SNRK: variants seen among roughly 807,000 people sequenced by gnomAD.
SNRK encodes SNF-related serine/threonine-protein kinase.
In SNRK, 3 loss-of-function variants were observed where a neutral mutation model predicts 48.2. The observed-to-expected ratio is 0.06, with a 90% CI of 0.03 to 0.16. The LOEUF (loss-of-function observed/expected upper bound fraction) is 0.16, where lower values mean the gene tolerates loss of function less well. SNRK is among the 10% of genes least tolerant of loss of function. The pLI, the probability that SNRK is intolerant of heterozygous loss-of-function variation, is 1.00. For missense variants in SNRK, 627 were observed against 976.0 expected, an observed-to-expected ratio of 0.64 and a Z score of 4.76; for synonymous variants, 376 against 366.1, an observed-to-expected ratio of 1.03 and a Z score of -0.31.
intron 1 of SNRK, chr3:43,289,861 T>C (rs898713773): frequency 2.0e-5 from 3 of 152,792 alleles, no homozygotes; most frequent in East Asian, 3.9e-4. Context: ...TCTGCTGCCA[T>C]GTGGCTACTC....
chr3:43,347,958 C>A lies in SNRK; in HGVS notation c.1699C>A (p.Arg567=), dbSNP rs771134998. 3 of 1,614,066 alleles carry A rather than the reference C, an allele frequency of 1.9e-6. No individual in the cohort carries two copies. In the South Asian group the frequency reaches 3.3e-5, roughly 18 times the overall value. Residue 567 remains arginine (R), a synonymous_variant, in exon 7 of 7, where the codon CGG becomes AGG. Coordinates refer to ENST00000296088, the MANE Select transcript of SNRK (RefSeq NM_017719.5). This position sits in a 1 kb window ranked among gnomAD's most constrained non-coding sequence, Gnocchi z 5.4. ...CGGGTTCACCTACTCCTGGCACCGA[C>A]GGGATAGCAGCGAGGGGCCCCCTGG... ...DSGFTYSWHR[R]DSSEGPPGSE...
At chr3:43,293,588 A>G (rs2090829977) in intron 1 of SNRK, among the ~76,000 whole-genome samples, 1 of 152,164 alleles carries the variant, frequency 6.6e-6, no homozygotes. Context: ...TTTAAAATAT[A>G]TACATTCATA....
At chr3:43,338,560 G>A (rs2125644013) in intron 4 of SNRK, among the ~76,000 whole-genome samples, 1 of 152,292 alleles carries the variant, frequency 6.6e-6, no homozygotes, top group Middle Eastern at 3.4e-3. Context: ...TTCAAGATGT[G>A]TGCTCTTTGA....
chr3:43,321,179 A>G (rs1057351243), intron 3 of SNRK, among the ~76,000 whole-genome samples: 1 of 152,156 alleles, frequency 6.6e-6, no homozygotes, highest in African/African-American at 2.4e-5. Flanking sequence ...GAATTTATTA[A>G]TTAGTAGAGG....
chr3:43,326,599 T>G (rs1271546373), intron 3 of SNRK, among the ~76,000 whole-genome samples: 1 of 152,100 alleles, frequency 6.6e-6, no homozygotes, highest in East Asian at 1.9e-4. Flanking sequence ...TGGGAAGACC[T>G]TGGGGAAGAT....
At chr3:43,325,401 G>A (rs771475005) in intron 3 of SNRK, among the ~76,000 whole-genome samples, 15 of 152,022 alleles carry the variant, frequency 9.9e-5, no homozygotes, top group Non-Finnish European at 1.9e-4. Flanking sequence ...TCCTGACCTC[G>A]TGATCCACCC....
At position 43,348,000 on chromosome 3, in the gene SNRK, G is replaced by C; in HGVS notation, c.1741G>C (p.Gly581Arg). The change falls in exon 7 of 7, where the codon GGG becomes CGG. Residue 581 changes from glycine (G) to arginine (R), a missense_variant. This residue lies in a region of SNRK where 98 missense variants were observed against 175.2 expected (regional missense o/e 0.56). Coordinates refer to ENST00000296088, the MANE Select transcript of SNRK (RefSeq NM_017719.5). This position sits in a 1 kb window ranked among gnomAD's most constrained non-coding sequence, Gnocchi z 5.4. ...EGPPGSEGDG[G>R]GQSKPSNASG... is the part of the protein sequence containing the mutation. Reference sequence around the variant, plus strand: ...GCCCCCTGGCAGTGAGGGGGATGGCGGGGGCCAGAGCAAGCCAAGCAATGC... The same window carrying C: ...GCCCCCTGGCAGTGAGGGGGATGGCCGGGGCCAGAGCAAGCCAAGCAATGC... The C allele has an allele frequency of 6.2e-7, 1 of 1,613,296 alleles. No individual in the cohort carries two copies. The highest frequency in any genetic ancestry group is 1.1e-5 in the South Asian group (1 of 91,000).
At chr3:43,288,235 C>A (rs1410336721) in intron 1 of SNRK, among the ~76,000 whole-genome samples, 3 of 152,102 alleles carry the variant, frequency 2.0e-5, no homozygotes, top group Non-Finnish European at 4.4e-5. Flanking sequence ...TGCCACCTTT[C>A]AATTTTTTTT....
At chr3:43,314,890 T>A (rs1287287839) in intron 3 of SNRK, 2 of 151,938 alleles carry the variant, frequency 1.3e-5, no homozygotes, top group East Asian at 1.9e-4. Context: ...AAAAAATTTT[T>A]AAAAAAAGGT....
At chr3:43,289,578 C>G (rs2090793930) in intron 1 of SNRK, among the ~76,000 whole-genome samples, 1 of 152,128 alleles carries the variant, frequency 6.6e-6, no homozygotes, top group South Asian at 2.1e-4. Flanking sequence ...TAATCCAGAG[C>G]TACGTCATTG....
Position 43,332,256 on chromosome 3 carries a change from T to A in SNRK, c.677T>A (p.Met226Lys). 1 of 1,599,364 alleles carries A rather than the reference T, an allele frequency of 6.3e-7. No individual in the cohort carries two copies. ...GCCAATGACAGTGAAACACTGACAA[T>A]GATCATGGATTGCAAATATACAGTA... is the stretch of plus-strand genomic sequence containing the variant. ...QEANDSETLTMIMDCKYTVPS... is the reference protein window; with the variant it reads ...QEANDSETLTKIMDCKYTVPS... The change falls in exon 4 of 7, where the codon ATG (methionine) becomes AAG (lysine). Residue 226 changes from methionine (M) to lysine (K), a missense_variant. Met to Lys is a moderately conservative substitution (Grantham distance 95, BLOSUM62 -1). Coordinates refer to ENST00000296088, the MANE Select transcript of SNRK (RefSeq NM_017719.5).
In SNRK at chr3:43,348,444, A is replaced by G; in HGVS notation, c.2185A>G (p.Asn729Asp). ...ERIKSKNLKNNVLQLPLCEKT... is the reference protein window; with the variant it reads ...ERIKSKNLKNDVLQLPLCEKT... Reference sequence around the variant, plus strand: ...GATAAAGAGCAAGAACCTGAAAAATAACGTGCTGCAGCTACCTCTGTGCGA... The same window carrying G: ...GATAAAGAGCAAGAACCTGAAAAATGACGTGCTGCAGCTACCTCTGTGCGA... The change falls in exon 7 of 7, where the codon AAC becomes GAC. Residue 729 changes from asparagine to aspartate, a missense_variant. Coordinates refer to ENST00000296088, the MANE Select transcript of SNRK (RefSeq NM_017719.5). The G allele has an allele frequency of 6.2e-7, 1 of 1,612,220 alleles. No homozygotes were observed. The highest frequency in any genetic ancestry group is 8.5e-7 in the Non-Finnish European group (1 of 1,179,138).
chr3:43,344,644 A>G (rs745641718), intron 6 of SNRK, among the ~76,000 whole-genome samples: 1 of 152,114 alleles, frequency 6.6e-6, no homozygotes, highest in Non-Finnish European at 1.5e-5. Context: ...AACTTTATTC[A>G]TATCTTGGAT....
intron 4 of SNRK, among the ~76,000 whole-genome samples, chr3:43,338,557 T>C (rs11926254): frequency 0.02 from 3,027 of 152,364 alleles, 36 homozygotes; most frequent in Non-Finnish European, 0.03. Flanking sequence ...TGGTTCAAGA[T>C]GTGTGCTCTT....
intron 2 of SNRK, among the ~76,000 whole-genome samples, chr3:43,302,526 A>AGG (rs1440401872): frequency 3.3e-5 from 5 of 152,180 alleles, no homozygotes; most frequent in African/African-American, 1.2e-4. Context: ...GGTGTACCCA[A>AGG]ATACCTGTAG....
chr3:43,290,637 T>C (rs2090804394), intron 1 of SNRK, among the ~76,000 whole-genome samples: 2 of 152,248 alleles, frequency 1.3e-5, no homozygotes, highest in South Asian at 4.1e-4. Context: ...TCTGCTTACC[T>C]GTCTTCTAGC....
chr3:43,334,819 C>CT (rs2091174472), intron 4 of SNRK, among the ~76,000 whole-genome samples: 1 of 152,126 alleles, frequency 6.6e-6, no homozygotes. Flanking sequence ...GTCTCAATCT[C>CT]TTAACCTCGT....
At chr3:43,318,031 T>C (rs1052692729) in intron 3 of SNRK, among the ~76,000 whole-genome samples, 2 of 152,222 alleles carry the variant, frequency 1.3e-5, no homozygotes, top group African/African-American at 4.8e-5. Flanking sequence ...GGATGCTTTA[T>C]GTTTCTATGG....
rs1346751547 is a variant in SNRK, at chr3:43,303,539, T to C, written c.336T>C (p.Asn112=). 4 of 1,614,040 alleles carry C rather than the reference T, an allele frequency of 2.5e-6. No homozygotes were observed. The highest frequency in any genetic ancestry group is 3.3e-5 in the Admixed American group (2 of 60,008). ...DYIMKHEEGL[N]EDLAKKYFAQ... ...TAATGAAACATGAGGAGGGTCTTAA[T>C]GAAGACTTGGCCAAGAAGTATTTTG... Residue 112 remains asparagine (N), a synonymous_variant, in exon 3 of 7, where the codon AAT becomes AAC. Transcript: ENST00000296088. This position sits in a 1 kb window ranked among gnomAD's most constrained non-coding sequence, Gnocchi z 6.2.
Sources: allele counts gnomAD v4.1 joint callset (sites outside exome capture counted in the v4.1 genomes callset), GRCh38; gene constraint gnomAD v4.1.1; regional missense constraint gnomAD v4.1.1; non-coding constraint Gnocchi (gnomAD v3.1); transcripts MANE v1.5; gene names NCBI Gene and HGNC (gene_info 2026-07-23, HGNC 2026-07-21).